ACP3: variants seen among roughly 807,000 people sequenced by gnomAD.
ACP3 encodes the protein prostatic acid phosphatase.
In ACP3, 38 loss-of-function variants were observed where a neutral mutation model predicts 45.6. That is an observed-to-expected ratio of 0.83 (90% CI 0.64 to 1.09). The LOEUF (loss-of-function observed/expected upper bound fraction) is 1.09, where lower values mean the gene tolerates loss of function less well. ACP3 is among the 50% of genes least tolerant of loss of function. The pLI is 0.00. For synonymous variants in ACP3, 162 were observed against 164.7 expected (o/e 0.98, Z 0.13); for missense variants, 466 against 463.2 (o/e 1.01, Z -0.05).
chr3:132,344,869 A>G, intron 6 of ACP3, 58 bp from the exon 7 acceptor site: 1 of 1,584,328 alleles, frequency 6.3e-7, no homozygotes, highest in African/African-American at 1.3e-5. Context: ...GGATAAGTCA[A>G]CAAAGAGGAC....
intron 1 of ACP3, among the ~76,000 whole-genome samples, chr3:132,320,332 C>G (rs1338077342): frequency 6.6e-6 from 1 of 152,182 alleles, no homozygotes. Context: ...ATGTCCTCAT[C>G]AACCAGCTTC....
chr3:132,346,799 T>A (rs1392202614), intron 7 of ACP3, among the ~76,000 whole-genome samples: 1 of 152,152 alleles, frequency 6.6e-6, no homozygotes, highest in Non-Finnish European at 1.5e-5. Context: ...AGGCACCTAG[T>A]CCCTCACAAC....
In ACP3 at chr3:132,320,853, G is replaced by A. The variant is rs930474568; in HGVS notation, c.120+3277G>A. ...TTTAATAGAGACTGGGTTTCACCAC[G>A]TTGGCCAGGCTGGTCTTGAACTCTT... On this transcript the variant is annotated intron_variant, in intron 1 of 9. Transcript: ENST00000336375. Among the ~76,000 whole-genome samples the A allele has an allele frequency of 3.9e-5, 6 of 151,978 alleles. No homozygotes were observed. The South Asian group carries it at 6.2e-4, about 16-fold the overall frequency.
chr3:132,351,719 C>CT (rs766714732), intron 8 of ACP3, among the ~76,000 whole-genome samples: 77 of 146,580 alleles, frequency 5.3e-4, no homozygotes, highest in Middle Eastern at 3.5e-3. Flanking sequence ...TCCGTAGCTC[C>CT]TTTTTTTTTT....
Position 132,328,344 on chromosome 3 carries a change from A to T in ACP3, c.198A>T (p.Gly66=). 1 of 1,613,686 alleles carries T rather than the reference A, an allele frequency of 6.2e-7. No homozygotes were observed. The highest frequency in any genetic ancestry group is 8.5e-7 in the Non-Finnish European group (1 of 1,179,728). ...TAAAGGAATCCTCATGGCCACAAGG[A>T]TTTGGCCAACTCACCCAGGTTGGTT... is the stretch of plus-strand genomic sequence containing the variant. The part of the protein sequence containing the change: ...DPIKESSWPQ[G]FGQLTQLGME... The change falls in exon 2 of 10, where the codon GGA becomes GGT. Residue 66 remains glycine (G), a synonymous_variant. Transcript: ENST00000336375.
chr3:132,366,362 C>A (rs1012491648), intron 10 of ACP3, among the ~76,000 whole-genome samples: 6 of 151,654 alleles, frequency 4.0e-5, no homozygotes, highest in Admixed American at 3.9e-4. Flanking sequence ...AAATAAGAGG[C>A]CATTATAGTG....
chr3:132,320,254 T>G (rs1937181508), intron 1 of ACP3, among the ~76,000 whole-genome samples: 1 of 152,180 alleles, frequency 6.6e-6, no homozygotes, highest in East Asian at 1.9e-4. Flanking sequence ...CAATGTCCTG[T>G]AGAAAACACT....
chr3:132,338,191 A>G (rs1937518127), intron 5 of ACP3, among the ~76,000 whole-genome samples: 1 of 151,870 alleles, frequency 6.6e-6, no homozygotes, highest in Non-Finnish European at 1.5e-5. Flanking sequence ...TTATGCATAT[A>G]CAAACATAAA....
chr3:132,337,253 C>A, intron 4 of ACP3: 1 of 412,458 alleles, frequency 2.4e-6, no homozygotes, highest in Non-Finnish European at 4.3e-6. Flanking sequence ...ATTTTCAATT[C>A]TGAATACATA....
Position 132,358,652 on chromosome 3 carries a change from C to T in ACP3, c.*1774C>T, listed in dbSNP as rs370151650. 204 of 1,030,562 alleles carry T rather than the reference C, an allele frequency of 2.0e-4. No homozygotes were observed. The South Asian group carries it at 3.4e-3, about 17-fold the overall frequency. 63.8% of individuals were successfully genotyped at this position (1,030,562 alleles called of 1,614,324 possible). Reference sequence around the variant, plus strand: ...TGATATGCTTCTTTGTGTTATTTCCCTCCCAAGTAAATGTTTGTCCTTGGG... The same window carrying T: ...TGATATGCTTCTTTGTGTTATTTCCTTCCCAAGTAAATGTTTGTCCTTGGG... On this transcript the variant is annotated 3_prime_UTR_variant, in exon 10 of 10. Transcript: ENST00000336375.
At chr3:132,321,487 CAA>C (rs369136187) in intron 1 of ACP3, among the ~76,000 whole-genome samples, 264 of 152,242 alleles carry the variant, frequency 1.7e-3, no homozygotes, top group South Asian at 6.2e-3. Context: ...ACAGGTTTTT[CAA>C]AGACATTTGC....
At chr3:132,336,418 TA>T (rs796198603) in intron 4 of ACP3, among the ~76,000 whole-genome samples, 3 of 151,696 alleles carry the variant, frequency 2.0e-5, no homozygotes, top group Admixed American at 1.3e-4. Flanking sequence ...ACTATGAAGA[TA>T]AAAAAAAGCG....
exon 11 of ACP3, chr3:132,367,756 G>A (rs1233267248): frequency 3.7e-6 from 6 of 1,613,742 alleles, no homozygotes; most frequent in Non-Finnish European, 5.1e-6. Flanking sequence ...CTGTCCTAAT[G>A]GTACTACTGT....
chr3:132,331,752 A>G lies in ACP3; in HGVS notation c.303+19A>G. 6.4e-7 allele frequency: 1 copy of G among 1,566,584 alleles called. No homozygotes were observed. Among genetic ancestry groups the G allele is most frequent in the Non-Finnish European group, 8.7e-7 (1 of 1,149,444 alleles). On this transcript the variant is annotated intron_variant, in intron 3 of 9. Coordinates refer to ENST00000336375, the MANE Select transcript of ACP3 (RefSeq NM_001099.5). The stretch of plus-strand genomic sequence containing the variant: ...TGAACAGGCAAGTTGGGGAGCCAAG[A>G]GTGGGAACTTTGATCTTTGAAATAA...
At position 132,341,547 on chromosome 3, in the gene ACP3, C is replaced by T. The variant is rs187669490; in HGVS notation, c.556-1005C>T. Among the ~76,000 whole-genome samples, 243 of 152,278 alleles carry T rather than the reference C, an allele frequency of 1.6e-3. 1 individual carries two copies. The highest frequency in any genetic ancestry group is 5.4e-3 in the African/African-American group (226 of 41,558). On this transcript the variant is annotated intron_variant, in intron 5 of 9. Coordinates refer to ENST00000336375, the MANE Select transcript of ACP3 (RefSeq NM_001099.5). The stretch of plus-strand genomic sequence containing the variant: ...CTTACACCTTTTGCATTGATATTTA[C>T]AAGTGGCATTGAACTAATAGTTTTA...
rs559545826 is a variant in ACP3 at position 132,367,261 on chromosome 3, A to G, written c.1139-443A>G. On this transcript the variant is annotated intron_variant, in intron 10 of 10. Coordinates refer to the ACP3 transcript ENST00000351273. ...TGTTTGCCATAGAGACAAAATGTGC[A>G]CAAGATCTCCTCTTCAACAAATATT... Among the ~76,000 whole-genome samples, 3 of 152,376 alleles carry G rather than the reference A, an allele frequency of 2.0e-5. No individual in the cohort carries two copies. The South Asian group carries it at 6.2e-4, about 32-fold the overall frequency.
intron 7 of ACP3, among the ~76,000 whole-genome samples, chr3:132,347,998 G>A (rs565643460): frequency 2.0e-5 from 3 of 152,100 alleles, no homozygotes; most frequent in South Asian, 4.2e-4. Context: ...CCCACTACCT[G>A]GTTTTGTAAA....
intron 6 of ACP3, among the ~76,000 whole-genome samples, chr3:132,343,884 G>A (rs1283296907): frequency 6.6e-6 from 1 of 152,180 alleles, no homozygotes; most frequent in African/African-American, 2.4e-5. Flanking sequence ...TGTAATCCCA[G>A]CACTTCTGGG....
intron 4 of ACP3, among the ~76,000 whole-genome samples, chr3:132,332,920 A>C (rs1455914627): frequency 6.6e-6 from 1 of 152,252 alleles, no homozygotes; most frequent in African/African-American, 2.4e-5. Flanking sequence ...GTTAAATAAC[A>C]AACAAATTGG....
Sources: allele counts gnomAD v4.1 joint callset (sites outside exome capture counted in the v4.1 genomes callset), GRCh38; gene constraint gnomAD v4.1.1; transcripts MANE v1.5; gene names NCBI Gene and HGNC (gene_info 2026-07-23, HGNC 2026-07-21).